CATSPERD: variants seen among roughly 807,000 people sequenced by gnomAD.
CATSPERD encodes catsper channel auxiliary subunit delta.
Under a neutral mutation model 98.1 loss-of-function variants are expected in CATSPERD, and 86 were observed. The ratio of observed to expected loss-of-function variants is 0.88; its 90% CI spans 0.74 to 1.05. The LOEUF is 1.05. CATSPERD is among the 50% of genes least tolerant of loss of function. CATSPERD has a pLI of 0.00. For synonymous variants in CATSPERD, 394 were observed against 390.2 expected, an observed-to-expected ratio of 1.01 and a Z score of -0.12; for missense variants, 995 against 1,005.7, an observed-to-expected ratio of 0.99 and a Z score of 0.14.
Position 5,778,513 on chromosome 19 carries a change from A to G in CATSPERD, c.2234A>G (p.Lys745Arg), listed in dbSNP as rs1425523916. The G allele has an allele frequency of 1.2e-6, 2 of 1,613,920 alleles. No individual in the cohort carries two copies. Among genetic ancestry groups the G allele is most frequent in the African/African-American group, 2.7e-5 (2 of 74,920 alleles). The stretch of plus-strand genomic sequence containing the variant: ...GTTTGGCTGGCCTACAAGACCCCCA[A>G]GCTGCTACGCACAGCACGCGGCCGC... ...GSVWLAYKTP[K>R]LLRTARGRRI... Residue 745 changes from lysine to arginine, a missense_variant, in exon 22 of 22, where the codon AAG (lysine) becomes AGG (arginine). By Grantham distance (26) the Lys-to-Arg change is conservative. This residue lies in a region of CATSPERD where 762 missense variants were observed against 773.7 expected (regional missense o/e 0.98). Coordinates refer to ENST00000381624, the MANE Select transcript of CATSPERD (RefSeq NM_152784.4).
At chr19:5,752,922 G>A (rs1309676198) in intron 12 of CATSPERD, among the ~76,000 whole-genome samples, 9 of 151,804 alleles carry the variant, frequency 5.9e-5, no homozygotes, top group Admixed American at 5.9e-4. Flanking sequence ...CAGCTACTCA[G>A]GAGGCTGAGG....
Position 5,743,694 on chromosome 19 carries a change from CTCTCTCTCTCTCTGTCTCTG to C in CATSPERD, c.574-727_574-708del, listed in dbSNP as rs1413773561. 6.2e-3 allele frequency among the ~76,000 whole-genome samples: 916 copies of C among 148,514 alleles called. 8 individuals are homozygous for C. Among genetic ancestry groups the C allele is most frequent in the Non-Finnish European group, 0.01 (672 of 66,538 alleles). On this transcript the variant is annotated intron_variant, in intron 7 of 21. Transcript: ENST00000381624. ...TCTCTCTCTCTCTTCCTCTCTCTCT[CTCTCTCTCTCTCTGTCTCTG>C]TCTCTGTCTCTGTCTCTGCAAGATG...
At chr19:5,742,229 C>T (rs77778651) in intron 7 of CATSPERD, among the ~76,000 whole-genome samples, 13 of 144,106 alleles carry the variant, frequency 9.0e-5, no homozygotes, top group African/African-American at 2.6e-4. Context: ...CATGTGTGTG[C>T]GTGTGTGTAC....
chr19:5,742,062 AAAAAC>A (rs1261215449), intron 7 of CATSPERD, among the ~76,000 whole-genome samples: 1 of 151,854 alleles, frequency 6.6e-6, no homozygotes, highest in Non-Finnish European at 1.5e-5. Flanking sequence ...AACAAACAAA[AAAAAC>A]AAAAAAGGAA....
chr19:5,768,345 T>TTTATTTAG, intron 18 of CATSPERD, 103 bp downstream of exon 18: 1 of 670,880 alleles, frequency 1.5e-6, no homozygotes, highest in Non-Finnish European at 2.0e-6. Flanking sequence ...TATTTATTTA[T>TTTATTTAG]TATTATTATT....
chr19:5,735,781 T>C (rs1314074809), intron 5 of CATSPERD, among the ~76,000 whole-genome samples: 1 of 146,766 alleles, frequency 6.8e-6, no homozygotes, highest in Non-Finnish European at 1.5e-5. Context: ...CTAATTTTTT[T>C]TTTTTTTTTT....
At chr19:5,775,116 C>G in intron 20 of CATSPERD, 1 of 360,322 alleles carries the variant, frequency 2.8e-6, no homozygotes, top group Non-Finnish European at 5.8e-6. Flanking sequence ...AGGCATGTGG[C>G]AGACTGCCAC....
At chr19:5,757,619 T>G (rs1301542206) in intron 13 of CATSPERD, among the ~76,000 whole-genome samples, 1 of 146,262 alleles carries the variant, frequency 6.8e-6, no homozygotes, top group African/African-American at 2.6e-5. Flanking sequence ...TTTTTTTTTT[T>G]TTGTAGAGAC....
chr19:5,759,077 A>T lies in CATSPERD; in HGVS notation c.1369-9A>T, dbSNP rs1233261323. On this transcript the variant is annotated splice_polypyrimidine_tract_variant and intron_variant, in intron 14 of 21. Transcript: ENST00000381624. ...GATACACTTGGGATTTTCTCTCTTG[A>T]CCCCACAGGATATTTTCCTAAAACA... 1 of 1,613,376 alleles carries T rather than the reference A, an allele frequency of 6.2e-7. No homozygotes were observed. Among genetic ancestry groups the T allele is most frequent in the Admixed American group, 1.7e-5 (1 of 59,886 alleles).
intron 19 of CATSPERD, 40 bp downstream of exon 19, chr19:5,771,112 C>T (rs2056636061): frequency 6.3e-7 from 1 of 1,596,662 alleles, no homozygotes; most frequent in Admixed American, 1.8e-5. Context: ...GGGACGGTGG[C>T]AGGGCCTCAT....
intron 21 of CATSPERD, 117 bp from the exon 22 acceptor site, chr19:5,778,259 G>A (rs1324056252): frequency 1.5e-5 from 12 of 815,094 alleles, no homozygotes; most frequent in East Asian, 2.6e-5. Flanking sequence ...GGGTATACCC[G>A]GTCACTGCTG....
chr19:5,771,113 A>C (rs749480971), intron 19 of CATSPERD, 41 bp downstream of exon 19: 1 of 1,596,342 alleles, frequency 6.3e-7, no homozygotes, highest in Admixed American at 1.8e-5. Context: ...GGACGGTGGC[A>C]GGGCCTCATG....
At chr19:5,754,030 A>T in intron 12 of CATSPERD, 102 bp from the exon 13 acceptor site, 1 of 755,412 alleles carries the variant, frequency 1.3e-6, no homozygotes, top group Non-Finnish European at 2.3e-6. Context: ...GTGGAGATTC[A>T]GGCTGCAGGA....
chr19:5,739,684 TAAATA>T (rs796780813), intron 7 of CATSPERD, among the ~76,000 whole-genome samples: 33 of 143,684 alleles, frequency 2.3e-4, no homozygotes, highest in African/African-American at 8.1e-4. Flanking sequence ...ATAAAAAAAA[TAAATA>T]AATTAGTCAG....
intron 4 of CATSPERD, among the ~76,000 whole-genome samples, chr19:5,730,987 G>T (rs887107655): frequency 6.6e-6 from 1 of 151,484 alleles, no homozygotes; most frequent in Non-Finnish European, 1.5e-5. Context: ...AGCTATTCGG[G>T]AGGCTGAGGC....
intron 1 of CATSPERD, 89 bp downstream of exon 1, chr19:5,720,897 C>A: frequency 3.0e-6 from 3 of 994,362 alleles, no homozygotes; most frequent in South Asian, 1.6e-5. Flanking sequence ...GCTCCCCAAC[C>A]TCACTGAGGC....
chr19:5,733,944 A>C lies in CATSPERD; in HGVS notation c.365A>C (p.Glu122Ala). The C allele has an allele frequency of 6.2e-7, 1 of 1,605,652 alleles. No homozygotes were observed. Among genetic ancestry groups the C allele is most frequent in the Non-Finnish European group, 8.5e-7 (1 of 1,175,538 alleles). ...VDQKVYIYDY[E>A]NNSWSMSLGI... is the part of the protein sequence containing the mutation. ...CAAAAAGTCTATATTTATGATTATG[A>C]AAATAATTCTTGGAGCATGTCTTTA... Residue 122 changes from glutamate (E) to alanine (A), a missense_variant, in exon 5 of 22, where the codon GAA (glutamate) becomes GCA (alanine). Glu to Ala is a moderately radical substitution (Grantham distance 107). This residue lies in a region of CATSPERD where 228 missense variants were observed against 209.6 expected (regional missense o/e 1.09). Transcript: ENST00000381624.
intron 19 of CATSPERD, among the ~76,000 whole-genome samples, chr19:5,771,540 T>C (rs983119303): frequency 2.0e-5 from 3 of 151,848 alleles, no homozygotes; most frequent in African/African-American, 7.3e-5. Flanking sequence ...GCCCGGCCGA[T>C]GGGCTTTTCT....
At chr19:5,754,067 C>T in intron 12 of CATSPERD, 65 bp from the exon 13 acceptor site, 1 of 1,128,510 alleles carries the variant, frequency 8.9e-7, no homozygotes, top group East Asian at 2.4e-5. Context: ...CTCCTTCCCA[C>T]CTCCTTGCCC....
Sources: allele counts gnomAD v4.1 joint callset (sites outside exome capture counted in the v4.1 genomes callset), GRCh38; gene constraint gnomAD v4.1.1; regional missense constraint gnomAD v4.1.1; transcripts MANE v1.5; gene names NCBI Gene and HGNC (gene_info 2026-07-23, HGNC 2026-07-21).